The following CHN2 variants were observed in gnomAD, a reference collection of about 807,000 sequenced individuals.
CHN2 encodes the protein beta-chimaerin.
Under a neutral mutation model 56.3 loss-of-function variants are expected in CHN2, and 35 were observed. That is an observed-to-expected ratio of 0.62 (90% CI 0.47 to 0.82). CHN2 has a LOEUF of 0.82. Ranked by LOEUF, CHN2 falls within the 40% of genes least tolerant of loss-of-function variation. CHN2 has a pLI of 0.00. For missense variants in CHN2, 491 were observed against 580.5 expected (o/e 0.85, Z 1.58); for synonymous variants, 210 against 212.8 (o/e 0.99, Z 0.12).
intron 6 of CHN2, among the ~76,000 whole-genome samples, chr7:29,473,952 T>G (rs1353588249): frequency 6.6e-6 from 1 of 151,544 alleles, no homozygotes; most frequent in Non-Finnish European, 1.5e-5. Context: ...AATAAGAACA[T>G]AGTCATTGTA....
At chr7:29,326,181 C>T (rs558532179) in intron 1 of CHN2, among the ~76,000 whole-genome samples, 113 of 151,890 alleles carry the variant, frequency 7.4e-4, no homozygotes, top group African/African-American at 2.4e-3. Flanking sequence ...TTTTTTGAGA[C>T]GGAGTCTCAC....
chr7:29,378,732 G>A (rs1302641890), intron 3 of CHN2, among the ~76,000 whole-genome samples: 3 of 152,220 alleles, frequency 2.0e-5, no homozygotes, highest in East Asian at 1.9e-4. Flanking sequence ...TTGGGAGGCC[G>A]AGGCAGGCAG....
At chr7:29,256,400 G>T (rs1429722853) in intron 1 of CHN2, among the ~76,000 whole-genome samples, 1 of 152,166 alleles carries the variant, frequency 6.6e-6, no homozygotes, top group Non-Finnish European at 1.5e-5. Flanking sequence ...ATAAGAAAAG[G>T]TTTGTATGTG....
In CHN2 at chr7:29,254,839, C is replaced by G. The variant is rs538635677; in HGVS notation, c.49+59849C>G. The stretch of plus-strand genomic sequence containing the variant: ...ATTTAGACTTGTTGTGCAAGGGAGT[C>G]TGGGAAATGTAGTTTTTAGCTTTCC... On this transcript the variant is annotated intron_variant, in intron 1 of 12. Transcript: ENST00000222792. Among the ~76,000 whole-genome samples, 4 of 152,268 alleles carry G rather than the reference C, an allele frequency of 2.6e-5. No individual in the cohort carries two copies. In the South Asian group the frequency reaches 8.3e-4, roughly 32 times the overall value.
At chr7:29,264,210 CCGGCCACCACCCCGTCTGGGAGGTGGG>C (rs1789908798) in intron 1 of CHN2, among the ~76,000 whole-genome samples, 1 of 151,142 alleles carries the variant, frequency 6.6e-6, no homozygotes, top group Admixed American at 6.6e-5. Context: ...GCCCCTCTGC[CCGGCCACCACCCCGTCTGGGAGGTGGG>C]GGGCCCCTCT....
intron 1 of CHN2, among the ~76,000 whole-genome samples, chr7:29,223,519 A>C (rs245938): frequency 0.4 from 60,698 of 151,910 alleles, 12,330 homozygotes; most frequent in East Asian, 0.55. Context: ...TATAAGATTT[A>C]CTTATGTACA....
intron 1 of CHN2, among the ~76,000 whole-genome samples, chr7:29,277,146 G>A (rs556410981): frequency 7.2e-5 from 11 of 152,306 alleles, no homozygotes; most frequent in African/African-American, 2.6e-4. Flanking sequence ...TCCTGTGTCT[G>A]TGAAATGCAG....
chr7:29,479,916 C>A (rs967441048), intron 6 of CHN2: 1 of 1,433,952 alleles, frequency 7.0e-7, no homozygotes, highest in East Asian at 2.5e-5. Context: ...CAAAACAGGC[C>A]CATCCTTATT....
At chr7:29,176,788 A>G (rs1475843908) in intron 2 of CHN2, among the ~76,000 whole-genome samples, 1 of 152,228 alleles carries the variant, frequency 6.6e-6, no homozygotes, top group Non-Finnish European at 1.5e-5. Flanking sequence ...GAGCTGAAAT[A>G]CTAGAAGGAA....
rs528744633 is a variant in CHN2, at chr7:29,473,581, C to T, written c.577-6698C>T. ...AATTGGAGTCCTCAAAGTGTGGCCC[C>T]GAGACGAGCAACATCACCATCACCT... On this transcript the variant is annotated intron_variant, in intron 6 of 12. Transcript: ENST00000222792. Among the ~76,000 whole-genome samples, 15 of 150,192 alleles carry T rather than the reference C, an allele frequency of 1.0e-4. No individual in the cohort carries two copies. In the South Asian group the frequency reaches 2.5e-3, roughly 25 times the overall value.
At chr7:29,457,089 A>G (rs868126345) in intron 6 of CHN2, among the ~76,000 whole-genome samples, 13 of 152,186 alleles carry the variant, frequency 8.5e-5, no homozygotes, top group African/African-American at 2.9e-4. Flanking sequence ...GCTGTGGAAT[A>G]GACATGCAGG....
intron 1 of CHN2, among the ~76,000 whole-genome samples, chr7:29,298,550 C>T (rs918434584): frequency 2.0e-5 from 3 of 152,168 alleles, no homozygotes; most frequent in Non-Finnish European, 2.9e-5. Context: ...GTGCACGGTG[C>T]TTGGCTTTGG....
chr7:29,292,063 A>G (rs1792677278), intron 1 of CHN2, among the ~76,000 whole-genome samples: 1 of 152,168 alleles, frequency 6.6e-6, no homozygotes, highest in African/African-American at 2.4e-5. Flanking sequence ...GGGGCGGAGG[A>G]TTTTATGACA....
rs148444573 is a variant in CHN2 at position 29,446,755 on chromosome 7, C to T, written c.577-33524C>T. Among the ~76,000 whole-genome samples, 205 of 152,230 alleles carry T rather than the reference C, an allele frequency of 1.3e-3. 2 individuals carry two copies. The highest frequency in any genetic ancestry group is 0.011 in the South Asian group (55 of 4,824). On this transcript the variant is annotated intron_variant, in intron 6 of 12. Transcript: ENST00000222792. ...TAGTGCATGCATGTAACAAAACTAG[C>T]GAGGCTAGGAAAAGAACCACACAAA... is the stretch of plus-strand genomic sequence containing the variant.
At chr7:29,275,994 AC>A (rs1321628695) in intron 1 of CHN2, among the ~76,000 whole-genome samples, 1 of 150,920 alleles carries the variant, frequency 6.6e-6, no homozygotes, top group Non-Finnish European at 1.5e-5. Flanking sequence ...AGAAGCCCAA[AC>A]CCCGCATTAC....
intron 2 of CHN2, among the ~76,000 whole-genome samples, chr7:29,360,547 G>T (rs901150582): frequency 6.6e-6 from 1 of 152,162 alleles, no homozygotes; most frequent in South Asian, 2.1e-4. Context: ...TTGACATTCT[G>T]TTAGGAAGGC....
chr7:29,220,808 G>C (rs1341595670), intron 1 of CHN2, among the ~76,000 whole-genome samples: 1 of 152,104 alleles, frequency 6.6e-6, no homozygotes, highest in Non-Finnish European at 1.5e-5. Flanking sequence ...TGTGAAATCA[G>C]CCTAACCTAA....
At chr7:29,276,670 C>A (rs562666548) in intron 1 of CHN2, among the ~76,000 whole-genome samples, 10 of 152,264 alleles carry the variant, frequency 6.6e-5, no homozygotes, top group African/African-American at 2.4e-4. Context: ...AGTAAATAGC[C>A]GTCATCATTA....
At chr7:29,401,729 T>C (rs1324729032) in intron 6 of CHN2, among the ~76,000 whole-genome samples, 3 of 152,168 alleles carry the variant, frequency 2.0e-5, no homozygotes, top group African/African-American at 4.8e-5. Flanking sequence ...AAAAAACTCC[T>C]AAGTGGGCAA....
Sources: allele counts gnomAD v4.1 joint callset (sites outside exome capture counted in the v4.1 genomes callset), GRCh38; gene constraint gnomAD v4.1.1; transcripts MANE v1.5; gene names NCBI Gene and HGNC (gene_info 2026-07-23, HGNC 2026-07-21).